The following POLR1B variants were observed in gnomAD, a reference collection of about 807,000 sequenced individuals.
POLR1B encodes the protein RNA polymerase I subunit B, also known as DNA-directed RNA polymerase I subunit RPA2.
In POLR1B, 30 loss-of-function variants were observed where a neutral mutation model predicts 105.8. The ratio of observed to expected loss-of-function variants is 0.28; its 90% confidence interval spans 0.21 to 0.38. The LOEUF (loss-of-function observed/expected upper bound fraction) is 0.38, where lower values mean the gene tolerates loss of function less well. Among genes scored for constraint, POLR1B ranks in the 10% least tolerant of loss-of-function variants. The probability of loss-of-function intolerance (pLI) is 1.00; values close to 1 mark genes in which losing one functional copy is unlikely to be tolerated. For synonymous variants in POLR1B, 485 were observed against 505.1 expected, an observed-to-expected ratio of 0.96 and a Z score of 0.53; for missense variants, 976 against 1,435.8, an observed-to-expected ratio of 0.68 and a Z score of 5.17.
intron 4 of POLR1B, among the ~76,000 whole-genome samples, chr2:112,550,248 T>A (rs1305501000): frequency 6.6e-6 from 1 of 152,256 alleles, no homozygotes; most frequent in Admixed American, 6.5e-5. Context: ...GGTACACCCC[T>A]CAGGGTCTCT....
In POLR1B at chr2:112,575,769, A is replaced by T; in HGVS notation, c.*40A>T. ...TTTGGATTAAGAGGACTATCAGATT[A>T]AAGCAAAATGTAATTTTAATTCAAT... On this transcript the variant is annotated 3_prime_UTR_variant, in exon 15 of 15. Coordinates refer to ENST00000263331, the MANE Select transcript of POLR1B (RefSeq NM_019014.6). This position sits in a 1 kb window ranked among gnomAD's most constrained non-coding sequence, Gnocchi z 5.3. 6.4e-7 allele frequency: 1 copy of T among 1,553,602 alleles called. No homozygotes were observed. Among genetic ancestry groups the T allele is most frequent in the Non-Finnish European group, 8.7e-7 (1 of 1,148,202 alleles).
chr2:112,577,236 T>C lies in POLR1B; in HGVS notation c.*1507T>C, dbSNP rs1684910707. ...AGGCAGATAGGAACAGACAGAAAAATCTATCATTTCAAGATAGGCTTAGCA... is the reference window on the plus strand; with the variant it reads ...AGGCAGATAGGAACAGACAGAAAAACCTATCATTTCAAGATAGGCTTAGCA... On this transcript the variant is annotated 3_prime_UTR_variant, in exon 15 of 15. Coordinates refer to ENST00000263331, the MANE Select transcript of POLR1B (RefSeq NM_019014.6). The C allele has an allele frequency of 6.6e-6, 1 of 152,220 alleles. No homozygotes were observed. Among genetic ancestry groups the C allele is most frequent in the Admixed American group, 6.5e-5 (1 of 15,276 alleles). The allele number at this position is 152,220 out of a possible 1,614,324, so 9.4% of individuals were successfully genotyped here.
At chr2:112,556,746 C>T (rs1050767973) in intron 7 of POLR1B, among the ~76,000 whole-genome samples, 10 of 152,178 alleles carry the variant, frequency 6.6e-5, no homozygotes, top group East Asian at 3.8e-4. Flanking sequence ...CAAACATTCT[C>T]TTAGGTATTT....
Position 112,568,755 on chromosome 2 carries a change from A to G in POLR1B, c.1927A>G (p.Asn643Asp). ...ACATCTGCTCTTCCAGATCTTCATG[A>G]ATGTCGCTATCTTTGAGGATGAAGT... ...LIGTMEQIFM[N>D]VAIFEDEVFA... The change falls in exon 12 of 15, where the codon AAT (asparagine) becomes GAT (aspartate). Residue 643 changes from asparagine (N) to aspartate (D), a missense_variant. This residue lies in a region of POLR1B where 184 missense variants were observed against 197.4 expected (regional missense o/e 0.93). Coordinates refer to ENST00000263331, the MANE Select transcript of POLR1B (RefSeq NM_019014.6). 1 of 1,613,954 alleles carries G rather than the reference A, an allele frequency of 6.2e-7. No individual in the cohort carries two copies. Among genetic ancestry groups the G allele is most frequent in the East Asian group, 2.2e-5 (1 of 44,874 alleles).
At chr2:112,573,196 G>A (rs540898977) in intron 13 of POLR1B, among the ~76,000 whole-genome samples, 1 of 152,284 alleles carries the variant, frequency 6.6e-6, no homozygotes, top group Non-Finnish European at 1.5e-5. Flanking sequence ...TCCACCTTCT[G>A]GGTTCAAGCA....
chr2:112,559,533 T>G lies in POLR1B; in HGVS notation c.1571T>G (p.Phe524Cys), dbSNP rs775748600. The G allele has an allele frequency of 1.9e-5, 31 of 1,614,100 alleles. No homozygotes were observed. The highest frequency in any genetic ancestry group is 1.5e-4 in the Admixed American group (9 of 59,996). Residue 524 changes from phenylalanine (F) to cysteine (C), a missense_variant, in exon 9 of 15, where the codon TTT (phenylalanine) becomes TGT (cysteine). This residue lies in a region of POLR1B where 184 missense variants were observed against 197.4 expected (regional missense o/e 0.93). Transcript: ENST00000263331. ...GCCGTATGTGAGGTTGTCACACAGT[T>G]TGTGTATACGGCATCTATTCCAGCT... ...LTAVCEVVTQ[F>C]VYTASIPALL...
chr2:112,569,475 A>G (rs2104568984), intron 12 of POLR1B, among the ~76,000 whole-genome samples: 1 of 152,294 alleles, frequency 6.6e-6, no homozygotes, highest in East Asian at 1.9e-4. Flanking sequence ...TTTTCTTCCA[A>G]CACTTAAAAG....
chr2:112,547,339 T>TC, intron 2 of POLR1B, 82 bp from the exon 3 acceptor site: 1 of 1,511,226 alleles, frequency 6.6e-7, no homozygotes, highest in East Asian at 2.3e-5. Context: ...TTGATCTTCT[T>TC]CCTCAGTCTT....
At position 112,575,719 on chromosome 2, in the gene POLR1B, ATGT is replaced by A. The variant is rs764048661; in HGVS notation, c.3403_3405del (p.Val1135del). 2.5e-6 allele frequency: 4 copies of A among 1,608,918 alleles called. No homozygotes were observed. The highest frequency in any genetic ancestry group is 1.1e-5 in the South Asian group (1 of 90,958). ...GCTATGAACATCAAAGTGAAACTGG[ATGT>A]TGTTTAACTTGATGTTGACCTTTTG... On this transcript the variant is annotated inframe_deletion, in exon 15 of 15. Transcript: ENST00000263331. The surrounding 1 kb of genome is among the most constrained non-coding windows in gnomAD (Gnocchi z 5.3).
In POLR1B at chr2:112,575,578, C is replaced by T. The variant is rs1158220129; in HGVS notation, c.3257C>T (p.Pro1086Leu). The part of the protein sequence containing the change: ...LLSPLLEKPP[P>L]SWSAMRNRKY... ...TCTCCACTGTTGGAGAAGCCACCCC[C>T]TTCTTGGTCTGCCATGCGCAACAGA... Residue 1086 changes from proline (P) to leucine (L), a missense_variant, in exon 15 of 15, where the codon CCT (proline) becomes CTT (leucine). Coordinates refer to ENST00000263331, the MANE Select transcript of POLR1B (RefSeq NM_019014.6). The surrounding 1 kb of genome is among the most constrained non-coding windows in gnomAD (Gnocchi z 5.3). 8 of 1,614,056 alleles carry T rather than the reference C, an allele frequency of 5.0e-6. No individual in the cohort carries two copies. Among genetic ancestry groups the T allele is most frequent in the Non-Finnish European group, 6.8e-6 (8 of 1,180,034 alleles).
Position 112,574,974 on chromosome 2 carries a change from A to G in POLR1B, c.2653A>G (p.Ser885Gly), listed in dbSNP as rs763199523. 1 of 1,614,196 alleles carries G rather than the reference A, an allele frequency of 6.2e-7. No homozygotes were observed. The highest frequency in any genetic ancestry group is 8.5e-7 in the Non-Finnish European group (1 of 1,180,044). ...CCCAACTATCGGAGATAAATTTGCC[A>G]GTCGCCATGGGCAGAAGGGCATTTT... ...RNPTIGDKFA[S>G]RHGQKGILSR... is the part of the protein sequence containing the mutation. Residue 885 changes from serine (S) to glycine (G), a missense_variant, in exon 15 of 15, where the codon AGT becomes GGT. Physicochemically the swap from Ser to Gly is moderately conservative, Grantham distance 56. Around this residue, in one of 12 missense-constraint regions of POLR1B, gnomAD observed 35 missense variants for 102.5 expected, o/e 0.34. Transcript: ENST00000263331.
At chr2:112,542,072 CG>C, upstream of POLR1B, 1 of 1,526,658 alleles carries the variant, frequency 6.6e-7, no homozygotes, top group Non-Finnish European at 8.8e-7. Context: ...TCGGCATCAG[CG>C]TGGGACTGGG....
chr2:112,568,914 G>A lies in POLR1B; in HGVS notation c.2074+12G>A, dbSNP rs1348805043. On this transcript the variant is annotated intron_variant, in intron 12 of 14. Transcript: ENST00000263331. The stretch of plus-strand genomic sequence containing the variant: ...CCAATGCCAGATGGGTAAGGAAGAG[G>A]GATGATGTTACAGTCACAATCAGGA... The A allele has an allele frequency of 6.2e-7, 1 of 1,612,492 alleles. No individual in the cohort carries two copies. Among genetic ancestry groups the A allele is most frequent in the Non-Finnish European group, 8.5e-7 (1 of 1,178,986 alleles).
In POLR1B at chr2:112,547,498, G is replaced by T; in HGVS notation, c.423G>T (p.Val141=). ...KQFLGYVPIM[V]KSKLCNLRNL... ...TTCTTGGCTATGTTCCCATCATGGTGAAATCCAAGCTTTGCAACTTACGTA... is the reference window on the plus strand; with the variant it reads ...TTCTTGGCTATGTTCCCATCATGGTTAAATCCAAGCTTTGCAACTTACGTA... Residue 141 remains valine, a synonymous_variant, in exon 3 of 15, where the codon GTG becomes GTT. Coordinates refer to ENST00000263331, the MANE Select transcript of POLR1B (RefSeq NM_019014.6). 1 of 1,614,168 alleles carries T rather than the reference G, an allele frequency of 6.2e-7. No homozygotes were observed. Among genetic ancestry groups the T allele is most frequent in the Middle Eastern group, 1.7e-4 (1 of 6,060 alleles).
At chr2:112,553,993 A>G (rs1302307876) in intron 7 of POLR1B, among the ~76,000 whole-genome samples, 1 of 152,100 alleles carries the variant, frequency 6.6e-6, no homozygotes, top group Non-Finnish European at 1.5e-5. Flanking sequence ...GTAATCTAAG[A>G]GTTAATATAT....
chr2:112,554,825 G>C (rs1683564758), intron 7 of POLR1B, among the ~76,000 whole-genome samples: 1 of 152,064 alleles, frequency 6.6e-6, no homozygotes, highest in Non-Finnish European at 1.5e-5. Flanking sequence ...AGGGTAACTT[G>C]AGCCCAAGGA....
intron 13 of POLR1B, 113 bp downstream of exon 13, chr2:112,572,871 GTGA>G: frequency 1.1e-6 from 1 of 874,614 alleles, no homozygotes; most frequent in South Asian, 2.1e-5. Context: ...TATTTGGCAC[GTGA>G]TGTTCTATTA....
intron 5 of POLR1B, among the ~76,000 whole-genome samples, chr2:112,551,235 C>T (rs540101775): frequency 1.3e-5 from 2 of 152,240 alleles, no homozygotes; most frequent in South Asian, 4.2e-4. Flanking sequence ...CCCAGGGTCT[C>T]AGGAGGTTGC....
rs148531318 is a variant in POLR1B at position 112,552,796 on chromosome 2, C to T, written c.1138C>T (p.Leu380Phe). Reference sequence around the variant, plus strand: ...CCAGGAAGTCCTCACACCGGGTCAGCTCTTCCTTATGTTCCTGAAGGTAAA... The same window carrying T: ...CCAGGAAGTCCTCACACCGGGTCAGTTCTTCCTTATGTTCCTGAAGGTAAA... The part of the protein sequence containing the change: ...VNQEVLTPGQ[L>F]FLMFLKEKLE... The change falls in exon 7 of 15, where the codon CTC becomes TTC. Residue 380 changes from leucine (L) to phenylalanine (F), a missense_variant. Coordinates refer to ENST00000263331, the MANE Select transcript of POLR1B (RefSeq NM_019014.6). The T allele has an allele frequency of 1.9e-6, 3 of 1,594,284 alleles. No homozygotes were observed. Among genetic ancestry groups the T allele is most frequent in the Non-Finnish European group, 2.6e-6 (3 of 1,172,272 alleles).
Sources: gnomAD v4.1 joint callset for allele counts (sites outside exome capture counted in the v4.1 genomes callset) on GRCh38, gnomAD v4.1.1 for gene constraint, gnomAD v4.1.1 regional missense constraint, Gnocchi (gnomAD v3.1) non-coding constraint, MANE v1.5 for transcripts, NCBI Gene and HGNC (gene_info 2026-07-23, HGNC 2026-07-21) for gene names.